Variants in PPFIA2 observed in about 807,000 individuals in gnomAD.
PPFIA2 encodes the protein liprin-alpha-2.
PPFIA2 carries 46 observed loss-of-function variants against 175.5 expected under a neutral mutation model. That is an observed-to-expected ratio of 0.26 (90% CI 0.21 to 0.34). The LOEUF is 0.34. PPFIA2 is among the 10% of genes least tolerant of loss of function. PPFIA2 has a pLI of 1.00. For synonymous variants in PPFIA2, 568 were observed against 511.4 expected, an observed-to-expected ratio of 1.11 and a Z score of -1.49; for missense variants, 1,179 against 1,506.1, an observed-to-expected ratio of 0.78 and a Z score of 3.60.
At chr12:81,563,758 T>C (rs1317468351) in intron 4 of PPFIA2, among the ~76,000 whole-genome samples, 15 of 152,218 alleles carry the variant, frequency 9.9e-5, no homozygotes, top group Non-Finnish European at 7.3e-5. Context: ...CGTTATTCAT[T>C]AATTTGTGTA....
intron 8 of PPFIA2, among the ~76,000 whole-genome samples, chr12:81,398,932 G>A (rs10862304): frequency 0.36 from 54,332 of 151,718 alleles, 10,613 homozygotes; most frequent in East Asian, 0.53. Context: ...TTCCTAATCT[G>A]CTTCTCCTGG....
At chr12:81,421,168 G>T (rs1391164852) in intron 7 of PPFIA2, among the ~76,000 whole-genome samples, 1 of 151,972 alleles carries the variant, frequency 6.6e-6, no homozygotes, top group Non-Finnish European at 1.5e-5. Context: ...AAATGCACAA[G>T]GAAGTTCTTC....
At chr12:81,535,144 T>C (rs1340461945) in intron 4 of PPFIA2, among the ~76,000 whole-genome samples, 1 of 151,684 alleles carries the variant, frequency 6.6e-6, no homozygotes, top group African/African-American at 2.4e-5. Flanking sequence ...ATTGCCTATA[T>C]TGGGTGAAAT....
intron 18 of PPFIA2, among the ~76,000 whole-genome samples, chr12:81,346,825 T>C (rs927253397): frequency 6.6e-5 from 10 of 152,066 alleles, no homozygotes; most frequent in Non-Finnish European, 1.3e-4. Flanking sequence ...TGTTACTTAT[T>C]ATGTTAAAAA....
chr12:81,579,138 G>A (rs890569881), intron 4 of PPFIA2, among the ~76,000 whole-genome samples: 10 of 151,522 alleles, frequency 6.6e-5, no homozygotes, highest in Non-Finnish European at 1.5e-4. Flanking sequence ...TACATTTTTT[G>A]TATCAATTTG....
chr12:81,570,928 T>C lies in PPFIA2; in HGVS notation c.303+105863A>G, dbSNP rs1595089690. ...CTAAAGTTTTGACTGGCTAGATTCATTGAAATCTAGATTCACAAGGTATTT... is the reference window on the plus strand; with the variant it reads ...CTAAAGTTTTGACTGGCTAGATTCACTGAAATCTAGATTCACAAGGTATTT... On this transcript the variant is annotated intron_variant, in intron 4 of 32. Coordinates refer to ENST00000549396, the MANE Select transcript of PPFIA2 (RefSeq NM_003625.5). 2.0e-5 allele frequency among the ~76,000 whole-genome samples: 3 copies of C among 152,090 alleles called. No homozygotes were observed. In the East Asian group the frequency reaches 5.8e-4, roughly 29 times the overall value.
chr12:81,263,883 T>C lies in PPFIA2; in HGVS notation c.3556-493A>G, dbSNP rs187246089. On this transcript the variant is annotated intron_variant, in intron 30 of 32. Transcript: ENST00000549396. ...AGATGGCATGGCTAATATGAGACAC[T>C]GTAGCCTATTATAATATCTGTACAA... is the stretch of plus-strand genomic sequence containing the variant. Among the ~76,000 whole-genome samples, 7 of 152,298 alleles carry C rather than the reference T, an allele frequency of 4.6e-5. No individual in the cohort carries two copies. In the East Asian group the frequency reaches 1.2e-3, roughly 25 times the overall value.
chr12:81,435,006 T>G (rs1412695869), intron 7 of PPFIA2, among the ~76,000 whole-genome samples: 1 of 152,190 alleles, frequency 6.6e-6, no homozygotes, highest in East Asian at 1.9e-4. Flanking sequence ...GATTATTCTA[T>G]GCAACTTCAT....
chr12:81,516,945 T>C (rs915540102), intron 4 of PPFIA2, among the ~76,000 whole-genome samples: 12 of 152,162 alleles, frequency 7.9e-5, no homozygotes, highest in African/African-American at 1.2e-4. Flanking sequence ...CCCAGGAAAC[T>C]AGGCAATTCA....
chr12:81,741,337 TA>T (rs2082296878), intron 3 of PPFIA2, among the ~76,000 whole-genome samples: 1 of 152,064 alleles, frequency 6.6e-6, no homozygotes, highest in Admixed American at 6.6e-5. Context: ...TAATATATGA[TA>T]GTTTTTTTTT....
intron 8 of PPFIA2, among the ~76,000 whole-genome samples, chr12:81,387,312 C>T (rs1336961751): frequency 1.3e-5 from 2 of 152,042 alleles, no homozygotes; most frequent in African/African-American, 4.8e-5. Flanking sequence ...AACTTCATTA[C>T]CCCCTTAAGC....
At chr12:81,725,749 G>A (rs2079989514) in intron 3 of PPFIA2, among the ~76,000 whole-genome samples, 1 of 150,572 alleles carries the variant, frequency 6.6e-6, no homozygotes, top group African/African-American at 2.4e-5. Flanking sequence ...ACAACCCTTT[G>A]AATAATCTAA....
At chr12:81,524,767 A>G (rs1285165461) in intron 4 of PPFIA2, among the ~76,000 whole-genome samples, 1 of 152,242 alleles carries the variant, frequency 6.6e-6, no homozygotes, top group Non-Finnish European at 1.5e-5. Context: ...GGGATGGGGC[A>G]GAATGAAATG....
chr12:81,526,727 G>T (rs932677936), intron 4 of PPFIA2, among the ~76,000 whole-genome samples: 2 of 152,162 alleles, frequency 1.3e-5, no homozygotes, highest in Non-Finnish European at 2.9e-5. Context: ...GATTTGTAAA[G>T]ATAGAAGCAA....
chr12:81,272,706 G>A (rs2039467168), intron 28 of PPFIA2, among the ~76,000 whole-genome samples: 1 of 151,604 alleles, frequency 6.6e-6, no homozygotes, highest in African/African-American at 2.4e-5. Context: ...TCTTTTATTG[G>A]CTCTCACATA....
chr12:81,420,258 T>A (rs2046013411), intron 7 of PPFIA2, among the ~76,000 whole-genome samples: 1 of 152,044 alleles, frequency 6.6e-6, no homozygotes, highest in South Asian at 2.1e-4. Flanking sequence ...CATCAATGCA[T>A]GTCTATGAGA....
chr12:81,643,024 C>A, intron 4 of PPFIA2, among the ~76,000 whole-genome samples: 1 of 145,252 alleles, frequency 6.9e-6, no homozygotes, highest in Non-Finnish European at 1.5e-5. Flanking sequence ...GTGTATATAT[C>A]TATGACATTT....
chr12:81,439,416 G>A (rs951092059), intron 7 of PPFIA2, among the ~76,000 whole-genome samples: 2 of 151,724 alleles, frequency 1.3e-5, no homozygotes, highest in Admixed American at 6.6e-5. Context: ...TAATTTGTGC[G>A]TTAAAACCCA....
intron 3 of PPFIA2, among the ~76,000 whole-genome samples, chr12:81,704,812 G>A (rs1022814583): frequency 9.9e-5 from 15 of 151,618 alleles, no homozygotes; most frequent in African/African-American, 2.9e-4. Flanking sequence ...GGCTGGGCAC[G>A]GTGGCTCATA....
Sources: gnomAD v4.1 joint callset for allele counts (sites outside exome capture counted in the v4.1 genomes callset) on GRCh38, gnomAD v4.1.1 for gene constraint, MANE v1.5 for transcripts, NCBI Gene and HGNC (gene_info 2026-07-23, HGNC 2026-07-21) for gene names.